Variants in TRIP11 observed in about 807,000 individuals in gnomAD.
TRIP11 encodes thyroid receptor-interacting protein 11.
In TRIP11, 148 loss-of-function variants were observed where a neutral mutation model predicts 223.1. The observed-to-expected ratio is 0.66, with a 90% confidence interval of 0.58 to 0.76. TRIP11 has a LOEUF of 0.76. TRIP11 is among the 30% of genes least tolerant of loss of function. The pLI is 0.00. For missense variants in TRIP11, 2,043 were observed against 2,222.0 expected, an observed-to-expected ratio of 0.92 and a Z score of 1.62; for synonymous variants, 762 against 772.6, an observed-to-expected ratio of 0.99 and a Z score of 0.23.
Position 92,004,278 on chromosome 14 carries a change from T to G in TRIP11, c.3698A>C (p.Gln1233Pro). ...EWKQQVMTTV[Q>P]NMQHESAQLQ... ...CTGGGCTGACTCGTGTTGCATATTT[T>G]GTACTGTGGTCATCACCTGCTGCTT... Residue 1233 changes from glutamine (Q) to proline (P), a missense_variant, in exon 11 of 21, where the codon CAA becomes CCA. Transcript: ENST00000267622. 1 of 1,614,152 alleles carries G rather than the reference T, an allele frequency of 6.2e-7. No individual in the cohort carries two copies. The highest frequency in any genetic ancestry group is 8.5e-7 in the Non-Finnish European group (1 of 1,180,028).
Position 91,994,027 on chromosome 14 carries a change from AAAG to A in TRIP11, c.5057-118_5057-116del, listed in dbSNP as rs557039996. The A allele has an allele frequency of 3.6e-4, 278 of 768,998 alleles. 1 individual carries two copies. The South Asian group carries it at 4.1e-3, about 11-fold the overall frequency. 47.6% of individuals were successfully genotyped at this position (768,998 alleles called of 1,614,324 possible). ...AAACAGTTCAAATGTCTCAAACAGA[AAAG>A]AATATATGCCTTAGTGATAATGTTA... On this transcript the variant is annotated intron_variant, in intron 14 of 20. Transcript: ENST00000267622.
rs1203491319 is a variant in TRIP11, at chr14:92,011,002, A to C, written c.1298T>G (p.Leu433Ter). The C allele has an allele frequency of 1.2e-5, 19 of 1,613,810 alleles. No individual in the cohort carries two copies. The highest frequency in any genetic ancestry group is 1.6e-5 in the Non-Finnish European group (19 of 1,179,952). ...RIEVLEKEKS[L>*]LSQEKEELQM... Reference sequence around the variant, plus strand: ...AGCACCCACCTTTTCTTGACTCAGTAATGACTTCTCTTTTTCTAAAACTTC... The same window carrying C: ...AGCACCCACCTTTTCTTGACTCAGTCATGACTTCTCTTTTTCTAAAACTTC... Residue 433 changes from leucine (L) to a stop codon, truncating the protein, a stop_gained, in exon 9 of 21, where the codon TTA becomes TGA. Coordinates refer to ENST00000267622, the MANE Select transcript of TRIP11 (RefSeq NM_004239.4). LOFTEE classifies it high-confidence loss of function.
At position 91,999,346 on chromosome 14, in the gene TRIP11, T is replaced by C; in HGVS notation, c.4786A>G (p.Thr1596Ala). ...NHLLESEDSY[T>A]REALAAEDRE... The stretch of plus-strand genomic sequence containing the variant: ...TCTTCTGCAGCCAAAGCTTCACGGG[T>C]ATAAGAATCTTCTGATTCTAAAAGA... Residue 1596 changes from threonine (T) to alanine (A), a missense_variant, in exon 13 of 21, where the codon ACC becomes GCC. By Grantham distance (58) the Thr-to-Ala change is moderately conservative. Coordinates refer to ENST00000267622, the MANE Select transcript of TRIP11 (RefSeq NM_004239.4). The C allele has an allele frequency of 6.2e-7, 1 of 1,613,956 alleles. No individual in the cohort carries two copies. Among genetic ancestry groups the C allele is most frequent in the Non-Finnish European group, 8.5e-7 (1 of 1,179,910 alleles).
intron 4 of TRIP11, among the ~76,000 whole-genome samples, chr14:92,020,944 C>G (rs1320723859): frequency 6.6e-6 from 1 of 151,328 alleles, no homozygotes; most frequent in Non-Finnish European, 1.5e-5. Context: ...GTGGCACGCA[C>G]CTATAATCCC....
intron 8 of TRIP11, 28 bp from the exon 9 acceptor site, chr14:92,011,100 AG>A: frequency 6.2e-7 from 1 of 1,603,348 alleles, no homozygotes; most frequent in Non-Finnish European, 8.5e-7. Flanking sequence ...CAGTGTTTTC[AG>A]GTAACAAGAA....
At chr14:92,017,584 T>A in intron 5 of TRIP11, 98 bp downstream of exon 5, 1 of 908,812 alleles carries the variant, frequency 1.1e-6, no homozygotes, top group Non-Finnish European at 1.7e-6. Context: ...ATAATGATAA[T>A]GACTTTTATA....
At chr14:91,975,425 C>A in intron 17 of TRIP11, 139 bp from the exon 18 acceptor site, 1 of 457,810 alleles carries the variant, frequency 2.2e-6, no homozygotes, top group Non-Finnish European at 3.8e-6. Context: ...TTTAAAGTGT[C>A]TTTAAAAAAT....
chr14:92,015,671 A>G (rs2057027031), intron 6 of TRIP11, 25 bp downstream of exon 6: 4 of 1,556,558 alleles, frequency 2.6e-6, no homozygotes, highest in Non-Finnish European at 2.6e-6. Context: ...AAAAATAATA[A>G]TAATAAAGAA....
intron 2 of TRIP11, among the ~76,000 whole-genome samples, chr14:92,027,776 A>G (rs568723582): frequency 6.6e-6 from 1 of 152,370 alleles, no homozygotes; most frequent in South Asian, 2.1e-4. Flanking sequence ...CACTTTGGGG[A>G]TGTCATTTGT....
intron 1 of TRIP11, among the ~76,000 whole-genome samples, chr14:92,038,329 G>A (rs1595418761): frequency 6.6e-6 from 1 of 152,034 alleles, no homozygotes; most frequent in African/African-American, 2.4e-5. Context: ...TACAAGGAGC[G>A]ACCAGTCATT....
intron 1 of TRIP11, among the ~76,000 whole-genome samples, 165 bp from the exon 2 acceptor site, chr14:92,033,418 G>A (rs570461943): frequency 6.6e-6 from 1 of 152,290 alleles, no homozygotes; most frequent in Admixed American, 6.5e-5. Flanking sequence ...ACTTTTCACT[G>A]ACACTAATGT....
chr14:92,031,093 T>A (rs1418300900), intron 2 of TRIP11, among the ~76,000 whole-genome samples: 1 of 151,496 alleles, frequency 6.6e-6, no homozygotes, highest in Admixed American at 6.6e-5. Context: ...CTACAAAAAA[T>A]TTTATTTATT....
chr14:91,973,381 A>G (rs2056424143), intron 19 of TRIP11, among the ~76,000 whole-genome samples: 1 of 152,122 alleles, frequency 6.6e-6, no homozygotes, highest in Admixed American at 6.5e-5. Flanking sequence ...CAATTTAATC[A>G]ATAGTCTGAT....
At chr14:92,023,857 CTTT>C (rs5810569) in intron 3 of TRIP11, among the ~76,000 whole-genome samples, 2 of 141,176 alleles carry the variant, frequency 1.4e-5, no homozygotes, top group Non-Finnish European at 3.1e-5. Flanking sequence ...ATCTGCTGAA[CTTT>C]TTTTTTTTTT....
intron 11 of TRIP11, 88 bp downstream of exon 11, chr14:92,003,331 C>T: frequency 3.3e-6 from 5 of 1,514,422 alleles, no homozygotes; most frequent in Non-Finnish European, 2.7e-6. Context: ...ATGCACAGTC[C>T]CCTTCAAAGA....
intron 2 of TRIP11, chr14:92,026,846 G>C: frequency 6.7e-7 from 1 of 1,487,278 alleles, no homozygotes; most frequent in Non-Finnish European, 9.3e-7. Flanking sequence ...TGAGGATGAC[G>C]ATGTTGATAC....
In TRIP11 at chr14:92,025,398, C is replaced by G; in HGVS notation, c.224G>C (p.Cys75Ser). ...TTCATGTTTCTCTTCTAGATCAGTA[C>G]AAAGTTTCTTAAGCCTTTCATTCTA... ...RSENERLKKL[C>S]TDLEEKHEAS... is the part of the protein sequence containing the mutation. The change falls in exon 3 of 21, where the codon TGT (cysteine) becomes TCT (serine). Residue 75 changes from cysteine (C) to serine (S), a missense_variant. Physicochemically the swap from Cys to Ser is moderately radical, Grantham distance 112. Coordinates refer to ENST00000267622, the MANE Select transcript of TRIP11 (RefSeq NM_004239.4). 6.2e-7 allele frequency: 1 copy of G among 1,612,462 alleles called. No individual in the cohort carries two copies. Among genetic ancestry groups the G allele is most frequent in the Non-Finnish European group, 8.5e-7 (1 of 1,179,596 alleles).
At chr14:91,975,983 AGAGT>A (rs1051790426) in intron 17 of TRIP11, 121 bp downstream of exon 17, 11 of 783,308 alleles carry the variant, frequency 1.4e-5, no homozygotes, top group Middle Eastern at 3.5e-4. Context: ...TTCCTCACTA[AGAGT>A]GAGGGGAAAA....
chr14:92,012,157 G>GA (rs1247357055), intron 7 of TRIP11, among the ~76,000 whole-genome samples: 1 of 152,084 alleles, frequency 6.6e-6, no homozygotes, highest in African/African-American at 2.4e-5. Context: ...AAGATTGGAG[G>GA]AAAACAATTT....
Sources: allele counts gnomAD v4.1 joint callset (sites outside exome capture counted in the v4.1 genomes callset), GRCh38; gene constraint gnomAD v4.1.1; transcripts MANE v1.5; gene names NCBI Gene and HGNC (gene_info 2026-07-23, HGNC 2026-07-21).